CLCN7: variants seen among roughly 807,000 people sequenced by gnomAD.
The protein encoded by CLCN7 is Cl-/H+ antiporter 7.
CLCN7 carries 60 observed loss-of-function variants against 102.1 expected under a neutral mutation model. The ratio of observed to expected loss-of-function variants is 0.59; its 90% CI spans 0.48 to 0.73. The LOEUF is 0.73. Ranked by LOEUF, CLCN7 falls within the 30% of genes least tolerant of loss-of-function variation. The probability of loss-of-function intolerance (pLI) is 0.00; values close to 1 mark genes in which losing one functional copy is unlikely to be tolerated. For synonymous variants in CLCN7, 560 were observed against 490.5 expected (o/e 1.14, Z -1.87); for missense variants, 962 against 1,125.7 (o/e 0.85, Z 2.08).
At chr16:1,446,967 C>A in intron 24 of CLCN7, 39 bp downstream of exon 24, 1 of 1,520,146 alleles carries the variant, frequency 6.6e-7, no homozygotes, top group Non-Finnish European at 8.9e-7. Flanking sequence ...AGAGGGGAGC[C>A]CTGCACGGCA....
At chr16:1,471,459 C>T (rs570631895) in intron 1 of CLCN7, among the ~76,000 whole-genome samples, 28 of 152,110 alleles carry the variant, frequency 1.8e-4, no homozygotes, top group Admixed American at 4.6e-4. Flanking sequence ...CACTGGGGTG[C>T]GCCTGAGCCT....
Position 1,456,144 on chromosome 16 carries a change from G to A in CLCN7, c.885C>T (p.Ala295=), listed in dbSNP as rs774952549. The A allele has an allele frequency of 3.1e-5, 49 of 1,563,678 alleles. No homozygotes were observed. The highest frequency in any genetic ancestry group is 1.7e-4 in the Middle Eastern group (1 of 5,994). The part of the protein sequence containing the change: ...KRDFVSAGAA[A]GVSAAFGAPV... Reference sequence around the variant, plus strand: ...GGGCTCCAAACGCCGCTGACACTCCGGCCGCAGCCCCTGCGGAGACGAAGT... The same window carrying A: ...GGGCTCCAAACGCCGCTGACACTCCAGCCGCAGCCCCTGCGGAGACGAAGT... The change falls in exon 10 of 25, where the codon GCC becomes GCT. Residue 295 remains alanine, a synonymous_variant. Transcript: ENST00000382745.
intron 1 of CLCN7, among the ~76,000 whole-genome samples, chr16:1,470,297 C>A (rs530946936): frequency 6.6e-6 from 1 of 152,152 alleles, no homozygotes; most frequent in African/African-American, 2.4e-5. Context: ...ATGCCTGGCT[C>A]AAAATGGTAA....
rs1411966555 is a variant in CLCN7, at chr16:1,453,856, A to AGT, written c.1190_1191dup (p.Trp398ThrfsTer3). The AGT allele has an allele frequency of 1.2e-6, 2 of 1,613,428 alleles. No individual in the cohort carries two copies. Among genetic ancestry groups the AGT allele is most frequent in the South Asian group, 2.2e-5 (2 of 91,090 alleles). On this transcript the variant is annotated frameshift_variant, in exon 14 of 25. Coordinates refer to ENST00000382745, the MANE Select transcript of CLCN7 (RefSeq NM_001287.6). LOFTEE classifies it high-confidence loss of function. ...CACCTGATTCGAAACATGGTCAGCCAGTAGTTCAAGGCATTGAACACTGCT... is the reference window on the plus strand; with the variant it reads ...CACCTGATTCGAAACATGGTCAGCCAGTGTAGTTCAAGGCATTGAACACTGCT...
intron 1 of CLCN7, among the ~76,000 whole-genome samples, chr16:1,468,649 C>T (rs550182927): frequency 3.9e-5 from 6 of 152,160 alleles, no homozygotes; most frequent in East Asian, 3.9e-4. Flanking sequence ...TCCCGAGAGG[C>T]GAGACTCGGG....
rs1166323509 is a variant in CLCN7, at chr16:1,457,127, C to T, written c.822+127G>A. ...GCCCGCTGGCTCTGGGAGCCACCCGCCAGGCTGTCCTCAGATGGGGCTGGG... is the reference window on the plus strand; with the variant it reads ...GCCCGCTGGCTCTGGGAGCCACCCGTCAGGCTGTCCTCAGATGGGGCTGGG... On this transcript the variant is annotated intron_variant, in intron 9 of 24. Transcript: ENST00000382745. This position sits in a 1 kb window ranked among gnomAD's most constrained non-coding sequence, Gnocchi z 5.4. The T allele has an allele frequency of 3.3e-6, 3 of 911,330 alleles. No individual in the cohort carries two copies. The East Asian group carries it at 7.6e-5, about 23-fold the overall frequency. 56.5% of individuals were successfully genotyped at this position (911,330 alleles called of 1,614,324 possible).
In CLCN7 at chr16:1,446,431, G is replaced by T. The variant is rs774184483; in HGVS notation, c.*200C>A. 1.8e-5 allele frequency: 13 copies of T among 703,676 alleles called. 1 individual carries two copies. Among genetic ancestry groups the T allele is most frequent in the Admixed American group, 8.0e-5 (4 of 49,992 alleles). The allele number at this position is 703,676 out of a possible 1,614,324, so 43.6% of individuals were successfully genotyped here. A position where few individuals can be genotyped will look rare whatever the true frequency, so the allele number is the denominator to read the frequency against. ...TGGGCCTGCGCAAGGAGGCGCCAAG[G>T]GGGGAGACCACTGCCCACAACAGGG... is the stretch of plus-strand genomic sequence containing the variant. On this transcript the variant is annotated 3_prime_UTR_variant, in exon 25 of 25. Coordinates refer to ENST00000382745, the MANE Select transcript of CLCN7 (RefSeq NM_001287.6).
chr16:1,451,003 C>T (rs1006595836), intron 16 of CLCN7, among the ~76,000 whole-genome samples: 2 of 152,226 alleles, frequency 1.3e-5, no homozygotes, highest in East Asian at 1.9e-4. Flanking sequence ...CGCAGCCTGG[C>T]TCCGGGAAGA....
chr16:1,465,827 A>G (rs1246932517), intron 1 of CLCN7, among the ~76,000 whole-genome samples: 1 of 152,070 alleles, frequency 6.6e-6, no homozygotes, highest in Non-Finnish European at 1.5e-5. Context: ...CAGGACGCCC[A>G]GCTGTCAGGC....
At chr16:1,465,027 A>G (rs1338423502) in intron 2 of CLCN7, among the ~76,000 whole-genome samples, 1 of 151,506 alleles carries the variant, frequency 6.6e-6, no homozygotes, top group Non-Finnish European at 1.5e-5. Flanking sequence ...CTCGCTGCCC[A>G]TGCTGTCACT....
At position 1,460,352 on chromosome 16, in the gene CLCN7, C is replaced by T. The variant is rs868598681; in HGVS notation, c.594+66G>A. ...GGGGTGGGTGAGCTGCAGGGGTTCC[C>T]GCCCATTCACCAAGACCCCCAATCC... On this transcript the variant is annotated intron_variant, in intron 6 of 24. Coordinates refer to ENST00000382745, the MANE Select transcript of CLCN7 (RefSeq NM_001287.6). 31 of 1,202,304 alleles carry T rather than the reference C, an allele frequency of 2.6e-5. No individual in the cohort carries two copies. The Middle Eastern group carries it at 7.7e-4, about 30-fold the overall frequency. 74.5% of individuals were successfully genotyped at this position (1,202,304 alleles called of 1,614,324 possible). A position where few individuals can be genotyped will look rare whatever the true frequency, so the allele number is the denominator to read the frequency against.
In CLCN7 at chr16:1,458,681, G is replaced by A. The variant is rs148314854; in HGVS notation, c.675+426C>T. 7.2e-4 allele frequency among the ~76,000 whole-genome samples: 110 copies of A among 152,328 alleles called. No individual in the cohort carries two copies. In the East Asian group the frequency reaches 0.016, roughly 22 times the overall value. On this transcript the variant is annotated intron_variant, in intron 7 of 24. Transcript: ENST00000382745. ...ACAGAAGCAACCACAGCGGAACTGGGTCAGGACTCCCAGCACCTCCAGAAC... is the reference window on the plus strand; with the variant it reads ...ACAGAAGCAACCACAGCGGAACTGGATCAGGACTCCCAGCACCTCCAGAAC...
In CLCN7 at chr16:1,461,575, A is replaced by G. The variant is rs758243661; in HGVS notation, c.285+28T>C. On this transcript the variant is annotated intron_variant, in intron 3 of 24. Coordinates refer to ENST00000382745, the MANE Select transcript of CLCN7 (RefSeq NM_001287.6). ...TGGCAGGGGGCAGAGGCCGGGTCTC[A>G]GGGTCAGGGGGACAGAAGGACGCCC... is the stretch of plus-strand genomic sequence containing the variant. 10 of 1,612,686 alleles carry G rather than the reference A, an allele frequency of 6.2e-6. No homozygotes were observed. The South Asian group carries it at 1.1e-4, about 18-fold the overall frequency.
chr16:1,451,589 C>A (rs1330158045), intron 16 of CLCN7, 34 bp downstream of exon 16: 1 of 1,572,532 alleles, frequency 6.4e-7, no homozygotes, highest in South Asian at 1.1e-5. Context: ...GGCCCTGATC[C>A]CAGGGCCTGC....
chr16:1,446,878 G>A, intron 24 of CLCN7, 128 bp downstream of exon 24: 3 of 1,138,472 alleles, frequency 2.6e-6, no homozygotes, highest in Non-Finnish European at 3.9e-6. Flanking sequence ...TGCAGCCATG[G>A]GGCATGGGCC....
At chr16:1,453,261 C>T (rs2038782915) in intron 14 of CLCN7, among the ~76,000 whole-genome samples, 1 of 152,118 alleles carries the variant, frequency 6.6e-6, no homozygotes, top group Non-Finnish European at 1.5e-5. Context: ...GATCCACCCG[C>T]CTCGGCCTCC....
chr16:1,467,459 C>T (rs2039020619), intron 1 of CLCN7, among the ~76,000 whole-genome samples: 2 of 152,182 alleles, frequency 1.3e-5, no homozygotes, highest in Non-Finnish European at 2.9e-5. Context: ...ATGATGGAAG[C>T]AGTGGCCTGG....
intron 14 of CLCN7, 72 bp downstream of exon 14, chr16:1,453,762 C>T (rs2038790472): frequency 7.1e-7 from 1 of 1,415,340 alleles, no homozygotes. Flanking sequence ...AACCCCATTC[C>T]ACCACGTCCG....
At chr16:1,474,376 G>GACCC (rs1317336804) in intron 1 of CLCN7, 1 of 351,072 alleles carries the variant, frequency 2.8e-6, no homozygotes, top group East Asian at 8.0e-5. Context: ...GAAAGACAGT[G>GACCC]ACCCGGCTGC....
Sources: gnomAD v4.1 joint callset for allele counts (sites outside exome capture counted in the v4.1 genomes callset) on GRCh38, gnomAD v4.1.1 for gene constraint, Gnocchi (gnomAD v3.1) non-coding constraint, MANE v1.5 for transcripts, NCBI Gene and HGNC (gene_info 2026-07-23, HGNC 2026-07-21) for gene names.